The following ZNF600 variants were observed in gnomAD, a reference collection of about 807,000 sequenced individuals.
ZNF600 encodes zinc finger protein 600, also known as zinc finger protein KR-ZNF1.
In ZNF600, 4 loss-of-function variants were observed where a neutral mutation model predicts 7.3. The ratio of observed to expected loss-of-function variants is 0.55; its 90% CI spans 0.27 to 1.25. The LOEUF is 1.25. ZNF600 is among the 50% of genes most tolerant of loss of function. The pLI is 0.12. For synonymous variants in ZNF600, 290 were observed against 308.9 expected (o/e 0.94, Z 0.64); for missense variants, 911 against 922.1 (o/e 0.99, Z 0.16).
the ZNF600 span, chr19:52,801,837 A>C: frequency 1.2e-6 from 1 of 822,698 alleles, no homozygotes; most frequent in East Asian, 2.6e-5. Flanking sequence ...AAGAACACAA[A>C]AGGAGTAAGA....
chr19:52,814,952 G>A, the ZNF600 span, among the ~76,000 whole-genome samples: 1 of 145,866 alleles, frequency 6.9e-6, no homozygotes, highest in East Asian at 2.0e-4. Context: ...GCATATATAT[G>A]CCCCAAAAAT....
chr19:52,785,746 T>TCTC (rs1319012497), intron 1 of ZNF600, among the ~76,000 whole-genome samples: 18 of 152,046 alleles, frequency 1.2e-4, no homozygotes, highest in East Asian at 1.9e-4. Flanking sequence ...CTCCATCTGT[T>TCTC]CTTGCCACCA....
At chr19:52,766,967 A>G in exon 4 of ZNF600, 1 of 1,613,938 alleles carries the variant, frequency 6.2e-7, no homozygotes, top group Non-Finnish European at 8.5e-7. Flanking sequence ...TTGCCTTATG[A>G]ATTACAAGGG....
the ZNF600 span, among the ~76,000 whole-genome samples, chr19:52,793,991 T>A: frequency 6.6e-6 from 1 of 152,186 alleles, no homozygotes; most frequent in African/African-American, 2.4e-5. Context: ...CGTGTAGGAC[T>A]GCAAGGGAAT....
intron 2 of ZNF600, among the ~76,000 whole-genome samples, chr19:52,775,514 C>T (rs2062667556): frequency 6.6e-6 from 1 of 152,068 alleles, no homozygotes; most frequent in African/African-American, 2.4e-5. Flanking sequence ...CGCACCACTG[C>T]ACTTTAGCCT....
At chr19:52,799,916 G>A in the ZNF600 span, 4 of 1,613,462 alleles carry the variant, frequency 2.5e-6, no homozygotes, top group South Asian at 3.3e-5. Flanking sequence ...TCTGACTGAA[G>A]GTCTTGCCAC....
the ZNF600 span, among the ~76,000 whole-genome samples, chr19:52,827,638 A>G: frequency 0.012 from 1,756 of 150,010 alleles, 57 homozygotes; most frequent in African/African-American, 0.041. Flanking sequence ...TCCGCCTCCC[A>G]GGTTCATGCC....
chr19:52,818,015 T>C, the ZNF600 span: 1 of 1,608,142 alleles, frequency 6.2e-7, no homozygotes, highest in Non-Finnish European at 8.5e-7. Context: ...CGTACCAAGA[T>C]TCTTTAGAAG....
the ZNF600 span, among the ~76,000 whole-genome samples, chr19:52,822,549 G>A: frequency 1.3e-5 from 2 of 152,204 alleles, no homozygotes; most frequent in Admixed American, 6.5e-5. Flanking sequence ...ACAGCTAAGA[G>A]GTTGAAAAGA....
At chr19:52,766,402 T>G (rs1423876233) in exon 4 of ZNF600, 3 of 1,614,178 alleles carry the variant, frequency 1.9e-6, no homozygotes, top group South Asian at 2.2e-5. Flanking sequence ...GATCCACAAC[T>G]GAAAACCTTT....
the ZNF600 span, among the ~76,000 whole-genome samples, chr19:52,816,503 A>G: frequency 6.9e-6 from 1 of 145,210 alleles, no homozygotes; most frequent in Non-Finnish European, 1.5e-5. Context: ...TCTCTACTAA[A>G]AACACAAAAA....
upstream of ZNF600, among the ~76,000 whole-genome samples, chr19:52,790,524 A>G (rs1331810888): frequency 2.0e-5 from 3 of 151,956 alleles, no homozygotes; most frequent in Admixed American, 1.3e-4. Context: ...AAATAAAACA[A>G]TTACCCACAT....
At chr19:52,782,272 A>C (rs116919016) in intron 1 of ZNF600, among the ~76,000 whole-genome samples, 34,853 of 151,792 alleles carry the variant, frequency 0.23, 5,187 homozygotes, top group African/African-American at 0.42. Flanking sequence ...GCCTGTAATC[A>C]CAGCACCTTG....
intron 3 of ZNF600, among the ~76,000 whole-genome samples, chr19:52,772,555 A>AAC (rs2062638645): frequency 6.6e-6 from 1 of 152,196 alleles, no homozygotes; most frequent in African/African-American, 2.4e-5. Flanking sequence ...GTGAACTGAG[A>AAC]TTGTGCCATT....
chr19:52,818,409 T>A, the ZNF600 span, among the ~76,000 whole-genome samples: 1 of 152,114 alleles, frequency 6.6e-6, no homozygotes, highest in Non-Finnish European at 1.5e-5. Flanking sequence ...AAACCCTCTC[T>A]CTACTAAAAA....
the ZNF600 span, among the ~76,000 whole-genome samples, chr19:52,829,180 CTTT>C: frequency 7.1e-6 from 1 of 140,664 alleles, no homozygotes; most frequent in Non-Finnish European, 1.5e-5. Context: ...TTATTTTTTT[CTTT>C]TTTTATTTTA....
At chr19:52,775,793 G>A (rs2062669999) in intron 2 of ZNF600, among the ~76,000 whole-genome samples, 1 of 152,052 alleles carries the variant, frequency 6.6e-6, no homozygotes, top group African/African-American at 2.4e-5. Context: ...TGGATCACGA[G>A]GTCAGGAGTT....
chr19:52,808,996 ATATATGTATT>A, the ZNF600 span, among the ~76,000 whole-genome samples: 1 of 152,204 alleles, frequency 6.6e-6, no homozygotes, highest in Admixed American at 6.5e-5. Flanking sequence ...AGATGTGTGT[ATATATGTATT>A]TGTATGTATA....
chr19:52,783,408 C>T (rs1054404265), intron 1 of ZNF600, among the ~76,000 whole-genome samples: 1 of 152,202 alleles, frequency 6.6e-6, no homozygotes, highest in African/African-American at 2.4e-5. Context: ...GTCGCCCAGG[C>T]TGGAGGGCAG....
Sources: allele counts gnomAD v4.1 joint callset (sites outside exome capture counted in the v4.1 genomes callset), GRCh38; gene constraint gnomAD v4.1.1; transcripts MANE v1.5; gene names NCBI Gene and HGNC (gene_info 2026-07-23, HGNC 2026-07-21).